ADARB2: variants seen among roughly 807,000 people sequenced by gnomAD.
ADARB2 encodes inactive double-stranded RNA-specific editase B2.
In ADARB2, 25 loss-of-function variants were observed where a neutral mutation model predicts 62.2. The observed-to-expected ratio is 0.40, with a 90% CI of 0.29 to 0.56. The LOEUF is 0.56. ADARB2 is among the 20% of genes least tolerant of loss of function. ADARB2 has a pLI of 0.43. For missense variants in ADARB2, 1,071 were observed against 1,077.4 expected, an observed-to-expected ratio of 0.99 and a Z score of 0.08; for synonymous variants, 572 against 500.8, an observed-to-expected ratio of 1.14 and a Z score of -1.90.
At chr10:1,336,638 G>T (rs1831976890) in intron 3 of ADARB2, among the ~76,000 whole-genome samples, 1 of 152,182 alleles carries the variant, frequency 6.6e-6, no homozygotes, top group South Asian at 2.1e-4. Context: ...AGGTTCAGCT[G>T]CTTGTGAATT....
rs1188019403 is a variant in ADARB2, at chr10:1,242,389, C to CT, written c.1193-91_1193-90insA. 147 of 1,425,568 alleles carry CT rather than the reference C, an allele frequency of 1.0e-4. No individual in the cohort carries two copies. In the African/African-American group the frequency reaches 1.7e-3, roughly 16 times the overall value. 88.3% of individuals were successfully genotyped at this position (1,425,568 alleles called of 1,614,324 possible). A position where few individuals can be genotyped will look rare whatever the true frequency, so the allele number is the denominator to read the frequency against. On this transcript the variant is annotated intron_variant, in intron 4 of 9. Transcript: ENST00000381312. ...TTTCAGGGTCTCACAACAGCGGTTT[C>CT]CCTGGGTTAGGAAACCTTGGAAACA... is the stretch of plus-strand genomic sequence containing the variant.
intron 3 of ADARB2, among the ~76,000 whole-genome samples, chr10:1,358,033 T>C (rs1235592823): frequency 6.6e-6 from 1 of 152,098 alleles, no homozygotes; most frequent in Non-Finnish European, 1.5e-5. Context: ...GCACAAATAG[T>C]GTGTGTGAGA....
chr10:1,287,064 A>G (rs76441753), intron 3 of ADARB2, among the ~76,000 whole-genome samples: 4,015 of 152,260 alleles, frequency 0.026, 62 homozygotes, highest in Middle Eastern at 0.048. Context: ...AGTTTTGAGG[A>G]GGCGTATGTT....
At chr10:1,573,217 G>A (rs1274402587) in intron 1 of ADARB2, among the ~76,000 whole-genome samples, 1 of 152,192 alleles carries the variant, frequency 6.6e-6, no homozygotes, top group Non-Finnish European at 1.5e-5. Flanking sequence ...TGGGGATGAG[G>A]GGCTCAGTGA....
rs1831256616 is a variant in ADARB2 at position 1,271,008 on chromosome 10, A to T, written c.1139T>A (p.Leu380His). 2.5e-6 allele frequency: 4 copies of T among 1,613,520 alleles called. No homozygotes were observed. The highest frequency in any genetic ancestry group is 3.4e-6 in the Non-Finnish European group (4 of 1,179,804). ...TTTATGGCGGGCGTGCATGGGCGTG[A>T]GGTCCGTCGTCACCTCGCGGAACTT... ...TQKFREVTTDLTPMHARHKAL... is the reference protein window; with the variant it reads ...TQKFREVTTDHTPMHARHKAL... Residue 380 changes from leucine (L) to histidine (H), a missense_variant, in exon 4 of 10, where the codon CTC (leucine) becomes CAC (histidine). Transcript: ENST00000381312.
intron 3 of ADARB2, among the ~76,000 whole-genome samples, chr10:1,315,760 G>A (rs1443410510): frequency 2.0e-5 from 3 of 152,168 alleles, no homozygotes; most frequent in Non-Finnish European, 4.4e-5. Flanking sequence ...CTTCATTTAA[G>A]CTTTTCACGT....
At chr10:1,417,836 C>A (rs1337706340) in intron 1 of ADARB2, among the ~76,000 whole-genome samples, 1 of 152,252 alleles carries the variant, frequency 6.6e-6, no homozygotes, top group Non-Finnish European at 1.5e-5. Flanking sequence ...TGGCAAGTGG[C>A]AGCCATGTGC....
chr10:1,256,190 G>A (rs1831077852), intron 4 of ADARB2, among the ~76,000 whole-genome samples: 1 of 152,198 alleles, frequency 6.6e-6, no homozygotes, highest in Admixed American at 6.5e-5. Context: ...TGAACATCCA[G>A]CTCCAAGCTG....
intron 4 of ADARB2, among the ~76,000 whole-genome samples, chr10:1,262,224 A>G (rs973311686): frequency 6.1e-5 from 9 of 147,460 alleles, no homozygotes; most frequent in African/African-American, 2.1e-4. Flanking sequence ...GTACACCAGC[A>G]TGGCACATGT....
chr10:1,497,368 A>G (rs1372895047), intron 1 of ADARB2, among the ~76,000 whole-genome samples: 1 of 152,244 alleles, frequency 6.6e-6, no homozygotes. Context: ...TGCACATTTA[A>G]TAGTGTTCCT....
chr10:1,318,617 T>TG (rs11374360), intron 3 of ADARB2, among the ~76,000 whole-genome samples: 139,977 of 152,242 alleles, frequency 0.92, 64,396 homozygotes, highest in South Asian at 0.94. Flanking sequence ...CGTGTACAAG[T>TG]GGGGCAACAA....
intron 1 of ADARB2, among the ~76,000 whole-genome samples, chr10:1,430,030 T>C (rs1403282721): frequency 6.6e-6 from 1 of 152,168 alleles, no homozygotes; most frequent in Non-Finnish European, 1.5e-5. Flanking sequence ...GTAAAAATCG[T>C]GCTAAGTATC....
In ADARB2 at chr10:1,585,149, C is replaced by T. The variant is rs1424330961; in HGVS notation, c.100+151902G>A. Reference sequence around the variant, plus strand: ...GTGGTGATTGTCAATGTAGGTTCATCGACTACAACAAAAACCCCCTTTGAT... The same window carrying T: ...GTGGTGATTGTCAATGTAGGTTCATTGACTACAACAAAAACCCCCTTTGAT... On this transcript the variant is annotated intron_variant, in intron 1 of 9. Coordinates refer to ENST00000381312, the MANE Select transcript of ADARB2 (RefSeq NM_018702.4). Among the ~76,000 whole-genome samples, 4 of 152,000 alleles carry T rather than the reference C, an allele frequency of 2.6e-5. No homozygotes were observed. The East Asian group carries it at 5.8e-4, about 22-fold the overall frequency.
intron 3 of ADARB2, among the ~76,000 whole-genome samples, chr10:1,316,833 T>C (rs1426633615): frequency 6.6e-6 from 1 of 152,234 alleles, no homozygotes; most frequent in Non-Finnish European, 1.5e-5. Flanking sequence ...AATACTAAAA[T>C]GATAGATTTT....
Position 1,363,883 on chromosome 10 carries a change from G to T in ADARB2, c.222C>A (p.Asn74Lys), listed in dbSNP as rs1310139835. 5 of 1,491,126 alleles carry T rather than the reference G, an allele frequency of 3.4e-6. No individual in the cohort carries two copies. Among genetic ancestry groups the T allele is most frequent in the Non-Finnish European group, 3.5e-6 (4 of 1,131,136 alleles). 92.4% of individuals were successfully genotyped at this position (1,491,126 alleles called of 1,614,324 possible). The change falls in exon 3 of 10, where the codon AAC becomes AAA. Residue 74 changes from asparagine (N) to lysine (K), a missense_variant. Coordinates refer to ENST00000381312, the MANE Select transcript of ADARB2 (RefSeq NM_018702.4). ...GTGGCCGCGCGGCCAGGTTGCCCAC[G>T]TTGCGGTTCTCCTTCACCTCCGCGC... ...TSSAEVKENR[N>K]VGNLAARPPP...
At chr10:1,407,013 T>C (rs1230186315) in intron 1 of ADARB2, among the ~76,000 whole-genome samples, 1 of 152,226 alleles carries the variant, frequency 6.6e-6, no homozygotes, top group Admixed American at 6.5e-5. Context: ...GGGATGCGTC[T>C]CCTCCTTTGG....
intron 8 of ADARB2, chr10:1,188,007 A>G (rs1029764794): frequency 1.1e-4 from 20 of 180,666 alleles, no homozygotes; most frequent in Non-Finnish European, 2.4e-4. Context: ...AGTGGTGTAA[A>G]CCCAGGAGCA....
intron 1 of ADARB2, among the ~76,000 whole-genome samples, chr10:1,632,996 G>C: frequency 6.6e-6 from 1 of 152,222 alleles, no homozygotes; most frequent in East Asian, 1.9e-4. Context: ...AAATGGAATG[G>C]AAGCTGGGGG....
At chr10:1,346,701 C>G (rs1006793486) in intron 3 of ADARB2, among the ~76,000 whole-genome samples, 1 of 152,250 alleles carries the variant, frequency 6.6e-6, no homozygotes. Context: ...TGCCCCACCC[C>G]GTCTCCTGCT....
Sources: gnomAD v4.1 joint callset for allele counts (sites outside exome capture counted in the v4.1 genomes callset) on GRCh38, gnomAD v4.1.1 for gene constraint, MANE v1.5 for transcripts, NCBI Gene and HGNC (gene_info 2026-07-23, HGNC 2026-07-21) for gene names.